The following UGT2B17 variants were observed in gnomAD, a reference collection of about 807,000 sequenced individuals.
UGT2B17 encodes the protein UDP-glucuronosyltransferase 2B17.
UGT2B17 carries 21 observed loss-of-function variants against 48.2 expected under a neutral mutation model. The ratio of observed to expected loss-of-function variants is 0.44; its 90% CI spans 0.31 to 0.63. UGT2B17 has a LOEUF of 0.63. Ranked by LOEUF, UGT2B17 falls within the 20% of genes least tolerant of loss-of-function variation. UGT2B17 has a pLI of 0.08. For missense variants in UGT2B17, 402 were observed against 696.1 expected (o/e 0.58, Z 4.75); for synonymous variants, 146 against 238.4 (o/e 0.61, Z 3.57).
chr4:68,565,770 T>G, intron 2 of UGT2B17, 50 bp from the exon 3 acceptor site: 1 of 1,307,446 alleles, frequency 7.6e-7, no homozygotes. Context: ...ACGAGAATTG[T>G]TATTTTAATA....
At position 68,567,051 on chromosome 4, in the gene UGT2B17, A is replaced by C. The variant is rs1265364492; in HGVS notation, c.724+710T>G. On this transcript the variant is annotated intron_variant, in intron 2 of 6. Transcript: ENST00000317746. ...AAATATATTTACAAATGAGAATTAA[A>C]AATTTTTCAGAATTTATTGACATAG... 4.0e-5 allele frequency among the ~76,000 whole-genome samples: 5 copies of C among 125,128 alleles called. 2 individuals are homozygous for C. The highest frequency in any genetic ancestry group is 1.4e-4 in the African/African-American group (5 of 36,628). 82.1% of individuals were successfully genotyped at this position (125,128 alleles called of 152,430 possible).
chr4:68,561,567 G>C (rs1731103885), intron 3 of UGT2B17, among the ~76,000 whole-genome samples: 1 of 123,218 alleles, frequency 8.1e-6, no homozygotes, highest in Non-Finnish European at 1.7e-5. Context: ...TGTCTCACAG[G>C]GGGCACTTGA....
In UGT2B17 at chr4:68,576,071, C is replaced by A. The variant is rs7436240; in HGVS notation, c.-185G>T. 1.6e-5 allele frequency among the ~76,000 whole-genome samples: 2 copies of A among 124,042 alleles called. No individual in the cohort carries two copies. The highest frequency in any genetic ancestry group is 3.4e-5 in the Non-Finnish European group (2 of 58,616). 81.4% of individuals were successfully genotyped at this position (124,042 alleles called of 152,430 possible). A position where few individuals can be genotyped will look rare whatever the true frequency, so the allele number is the denominator to read the frequency against. On this transcript the variant is annotated 5_prime_UTR_variant, in exon 1 of 7. The change creates a new upstream start codon in the 5' untranslated region. Transcript: ENST00000317746. ...TGAGGTGTTCCACTGGGGCAATTTC[C>A]TACCCAGGAGCGCTCTTTGGATCTC...
rs547793925 is a variant in UGT2B17, at chr4:68,545,016, A to C, written c.1313+5661T>G. 8.7e-5 allele frequency among the ~76,000 whole-genome samples: 11 copies of C among 125,940 alleles called. 3 individuals carry two copies. Among genetic ancestry groups the C allele is most frequent in the East Asian group, 7.6e-4 (1 of 1,320 alleles). The allele number at this position is 125,940 out of a possible 152,430, so 82.6% of individuals were successfully genotyped here. ...ACCACCGTCAACATTAGACAGATCA[A>C]CGAGAAAAAGTTAACAAGGATATCC... On this transcript the variant is annotated intron_variant, in intron 6 of 6. Coordinates refer to ENST00000317746, the MANE Select transcript of UGT2B17 (RefSeq NM_001077.4).
chr4:68,548,128 A>G lies in UGT2B17; in HGVS notation c.1313+2549T>C, dbSNP rs1273107990. Among the ~76,000 whole-genome samples the G allele has an allele frequency of 1.6e-5, 2 of 127,050 alleles. 1 individual carries two copies. The highest frequency in any genetic ancestry group is 3.3e-5 in the Non-Finnish European group (2 of 59,828). The allele number at this position is 127,050 out of a possible 152,430, so 83.3% of individuals were successfully genotyped here. A position where few individuals can be genotyped will look rare whatever the true frequency, so the allele number is the denominator to read the frequency against. On this transcript the variant is annotated intron_variant, in intron 6 of 6. Transcript: ENST00000317746. ...CTTCTATAAAGACATGTGCACAAGT[A>G]TGTTTATGGAGGCACTATTCACAAT...
intron 3 of UGT2B17, among the ~76,000 whole-genome samples, chr4:68,564,444 A>G (rs1449713942): frequency 1.7e-5 from 2 of 120,388 alleles, no homozygotes; most frequent in Non-Finnish European, 3.5e-5. Flanking sequence ...GCCTGCCAAC[A>G]TGCCTGACTA....
chr4:68,546,062 T>TA lies in UGT2B17; in HGVS notation c.1313+4614dup, dbSNP rs1247240356. Reference sequence around the variant, plus strand: ...CAACAGAAAAAGAGGGAATCCTCCCTAACTCATTTTATGAGGCCAACATCA... The same window carrying TA: ...CAACAGAAAAAGAGGGAATCCTCCCTAAACTCATTTTATGAGGCCAACATCA... On this transcript the variant is annotated intron_variant, in intron 6 of 6. Transcript: ENST00000317746. Among the ~76,000 whole-genome samples the TA allele has an allele frequency of 7.1e-5, 9 of 126,092 alleles. 1 individual carries two copies. The highest frequency in any genetic ancestry group is 5.0e-5 in the Non-Finnish European group (3 of 59,558). The allele number at this position is 126,092 out of a possible 152,430, so 82.7% of individuals were successfully genotyped here.
At chr4:68,565,849 C>T in intron 2 of UGT2B17, 129 bp from the exon 3 acceptor site, 1 of 651,158 alleles carries the variant, frequency 1.5e-6, no homozygotes, top group Non-Finnish European at 2.0e-6. Flanking sequence ...AATGTCTGCA[C>T]ATTGATAATA....
chr4:68,543,114 T>G (rs1170750578), intron 6 of UGT2B17, among the ~76,000 whole-genome samples: 1 of 125,736 alleles, frequency 8.0e-6, no homozygotes, highest in African/African-American at 2.7e-5. Context: ...GCACGCAGCT[T>G]GAGATCTGAG....
Position 68,551,012 on chromosome 4 carries a change from C to G in UGT2B17, c.1094-116G>C, listed in dbSNP as rs189141017. ...TGTTCCCTAGGTAACATTATACCCACAAAACTGCATTGAAATTGTTTTCAA... is the reference window on the plus strand; with the variant it reads ...TGTTCCCTAGGTAACATTATACCCAGAAAACTGCATTGAAATTGTTTTCAA... On this transcript the variant is annotated intron_variant, in intron 5 of 6. Coordinates refer to ENST00000317746, the MANE Select transcript of UGT2B17 (RefSeq NM_001077.4). The G allele has an allele frequency of 1.9e-4, 133 of 697,786 alleles. 21 individuals carry two copies. In the African/African-American group the frequency reaches 2.2e-3, roughly 12 times the overall value. The allele number at this position is 697,786 out of a possible 1,614,324, so 43.2% of individuals were successfully genotyped here. A position where few individuals can be genotyped will look rare whatever the true frequency, so the allele number is the denominator to read the frequency against.
chr4:68,564,313 G>C lies in UGT2B17; in HGVS notation c.873+1259C>G, dbSNP rs1454416247. ...ATATATATTTTTTTTTTTTGAGACAGAGTCTCACTCTGTTGCCCAGGCTGT... is the reference window on the plus strand; with the variant it reads ...ATATATATTTTTTTTTTTTGAGACACAGTCTCACTCTGTTGCCCAGGCTGT... On this transcript the variant is annotated intron_variant, in intron 3 of 6. Coordinates refer to ENST00000317746, the MANE Select transcript of UGT2B17 (RefSeq NM_001077.4). 2.1e-5 allele frequency among the ~76,000 whole-genome samples: 2 copies of C among 93,802 alleles called. 1 individual carries two copies. The highest frequency in any genetic ancestry group is 3.8e-5 in the Non-Finnish European group (2 of 52,988). The allele number at this position is 93,802 out of a possible 152,430, so 61.5% of individuals were successfully genotyped here. A position where few individuals can be genotyped will look rare whatever the true frequency, so the allele number is the denominator to read the frequency against.
chr4:68,542,505 C>A lies in UGT2B17; in HGVS notation c.1314-4601G>T, dbSNP rs1214719464. On this transcript the variant is annotated intron_variant, in intron 6 of 6. Coordinates refer to ENST00000317746, the MANE Select transcript of UGT2B17 (RefSeq NM_001077.4). Reference sequence around the variant, plus strand: ...AAGAACAGCTCCAGTCTACAGCTCCCAGTGTGAATGACACAGATGAGGAAT... The same window carrying A: ...AAGAACAGCTCCAGTCTACAGCTCCAAGTGTGAATGACACAGATGAGGAAT... Among the ~76,000 whole-genome samples the A allele has an allele frequency of 2.4e-4, 31 of 126,710 alleles. 7 individuals carry two copies. Among genetic ancestry groups the A allele is most frequent in the African/African-American group, 7.3e-4 (27 of 37,108 alleles). The allele number at this position is 126,710 out of a possible 152,430, so 83.1% of individuals were successfully genotyped here. A position where few individuals can be genotyped will look rare whatever the true frequency, so the allele number is the denominator to read the frequency against.
Position 68,537,782 on chromosome 4 carries a change from AC to A in UGT2B17, c.1435del (p.Val479SerfsTer16), listed in dbSNP as rs1730581246. The A allele has an allele frequency of 1.4e-6, 2 of 1,379,654 alleles. 1 individual carries two copies. The highest frequency in any genetic ancestry group is 1.6e-4 in the East Asian group (2 of 12,134). The allele number at this position is 1,379,654 out of a possible 1,614,324, so 85.5% of individuals were successfully genotyped here. On this transcript the variant is annotated frameshift_variant, in exon 7 of 7. Coordinates refer to ENST00000317746, the MANE Select transcript of UGT2B17 (RefSeq NM_001077.4). LOFTEE classifies it low-confidence loss of function (END_TRUNC). ...GATCCAGGTGAGGTTGTGGGCTGCG[AC>A]CCGAAGGTGCTTGGCTCCTTTATGG... ...MRHKGAKHLR[V>X]AAHNLTWIQY...
At chr4:68,546,407 G>T (rs1439090677) in intron 6 of UGT2B17, among the ~76,000 whole-genome samples, 2 of 126,124 alleles carry the variant, frequency 1.6e-5, no homozygotes, top group Non-Finnish European at 3.4e-5. Context: ...AATAAATTAG[G>T]TATTGATGGG....
In UGT2B17 at chr4:68,550,810, T is replaced by C; in HGVS notation, c.1180A>G (p.Ile394Val). 1.4e-6 allele frequency: 2 copies of C among 1,385,996 alleles called. No homozygotes were observed. Among genetic ancestry groups the C allele is most frequent in the Middle Eastern group, 1.9e-4 (1 of 5,136 alleles). The allele number at this position is 1,385,996 out of a possible 1,614,324, so 85.9% of individuals were successfully genotyped here. ...TCATGTTGATCCGCAAACAAGGGAA[T>C]GCCCACCATAGGGATCCCATGGTAG... is the stretch of plus-strand genomic sequence containing the variant. ...AIYHGIPMVG[I>V]PLFADQHDNI... Residue 394 changes from isoleucine (I) to valine (V), a missense_variant, in exon 6 of 7, where the codon ATT becomes GTT. Physicochemically the swap from Ile to Val is conservative, Grantham distance 29. Transcript: ENST00000317746.
chr4:68,569,242 C>T (rs192017922), intron 1 of UGT2B17, among the ~76,000 whole-genome samples: 1 of 128,932 alleles, frequency 7.8e-6, no homozygotes, highest in Non-Finnish European at 1.7e-5. Context: ...CTGCAGGAAG[C>T]GTACTGCTCC....
At position 68,558,441 on chromosome 4, in the gene UGT2B17, T is replaced by G. The variant is rs1441544231; in HGVS notation, c.1005+2096A>C. On this transcript the variant is annotated intron_variant, in intron 4 of 6. Coordinates refer to ENST00000317746, the MANE Select transcript of UGT2B17 (RefSeq NM_001077.4). Reference sequence around the variant, plus strand: ...AGCCCTACAAATTAAGCTAGACAACTTAAACTCCAGAAGAAAATAACAGCA... The same window carrying G: ...AGCCCTACAAATTAAGCTAGACAACGTAAACTCCAGAAGAAAATAACAGCA... Among the ~76,000 whole-genome samples, 25 of 126,496 alleles carry G rather than the reference T, an allele frequency of 2.0e-4. 7 individuals carry two copies. The highest frequency in any genetic ancestry group is 3.5e-4 in the Non-Finnish European group (21 of 59,464). 83.0% of individuals were successfully genotyped at this position (126,496 alleles called of 152,430 possible).
At chr4:68,558,618 C>T (rs1266196017) in intron 4 of UGT2B17, among the ~76,000 whole-genome samples, 1 of 125,964 alleles carries the variant, frequency 7.9e-6, no homozygotes, top group Admixed American at 8.2e-5. Flanking sequence ...CATGAGACTT[C>T]AGAACCTGCT....
chr4:68,546,078 G>T (rs1189258820), intron 6 of UGT2B17, among the ~76,000 whole-genome samples: 2 of 125,606 alleles, frequency 1.6e-5, no homozygotes, highest in South Asian at 3.8e-4. Flanking sequence ...ATTTTATGAG[G>T]CCAACATCAT....
Sources: allele counts gnomAD v4.1 joint callset (sites outside exome capture counted in the v4.1 genomes callset), GRCh38; gene constraint gnomAD v4.1.1; transcripts MANE v1.5; gene names NCBI Gene and HGNC (gene_info 2026-07-23, HGNC 2026-07-21).